The following PFKM variants were observed in gnomAD, a reference collection of about 807,000 sequenced individuals.
PFKM encodes ATP-dependent 6-phosphofructokinase, muscle type.
In PFKM, 58 loss-of-function variants were observed where a neutral mutation model predicts 95.5. The observed-to-expected ratio is 0.61, with a 90% CI of 0.49 to 0.76. The LOEUF is 0.76. Among genes scored for constraint, PFKM ranks in the 30% least tolerant of loss-of-function variants. PFKM has a pLI of 0.00. For synonymous variants in PFKM, 336 were observed against 357.2 expected, an observed-to-expected ratio of 0.94 and a Z score of 0.67; for missense variants, 678 against 1,005.4, an observed-to-expected ratio of 0.67 and a Z score of 4.40.
At chr12:48,106,234 GGAGC>G in intron 1 of PFKM, 1 of 643,882 alleles carries the variant, frequency 1.6e-6, no homozygotes, top group Non-Finnish European at 2.8e-6. Flanking sequence ...AGAAGCGAAG[GGAGC>G]ATTTAAGACT....
At chr12:48,119,302 CTTT>C (rs1385877713), upstream of PFKM, 2 of 984,276 alleles carry the variant, frequency 2.0e-6, no homozygotes, top group African/African-American at 3.5e-5. Context: ...CCCCCTCCCT[CTTT>C]GCCTCCACCT....
rs762577518 is a variant in PFKM, at chr12:48,106,166, G to A, written c.-10+29G>A. The A allele has an allele frequency of 4.3e-5, 30 of 701,170 alleles. 1 individual carries two copies. The South Asian group carries it at 4.3e-4, about 10-fold the overall frequency. The allele number at this position is 701,170 out of a possible 1,614,324, so 43.4% of individuals were successfully genotyped here. On this transcript the variant is annotated intron_variant, in intron 1 of 24. Transcript: ENST00000340802. ...GCTGAAGAGGAGGGGGCTGGGGCAGGAGGTCAAAGAACAGAGTTAAGGACC... is the reference window on the plus strand; with the variant it reads ...GCTGAAGAGGAGGGGGCTGGGGCAGAAGGTCAAAGAACAGAGTTAAGGACC...
At chr12:48,128,984 C>G (rs1949134370) in intron 2 of PFKM, among the ~76,000 whole-genome samples, 1 of 152,124 alleles carries the variant, frequency 6.6e-6, no homozygotes, top group Non-Finnish European at 1.5e-5. Flanking sequence ...TAAGGCCATG[C>G]TTAGCAGAGG....
chr12:48,131,265 G>A, intron 3 of PFKM, 51 bp from the exon 4 acceptor site: 1 of 1,282,098 alleles, frequency 7.8e-7, no homozygotes, highest in Non-Finnish European at 1.1e-6. Context: ...CTTAATCTTG[G>A]GAATTTATAG....
At position 48,140,829 on chromosome 12, in the gene PFKM, G is replaced by C; in HGVS notation, c.1299G>C (p.Val433=). 6.2e-7 allele frequency: 1 copy of C among 1,614,218 alleles called. No individual in the cohort carries two copies. Among genetic ancestry groups the C allele is most frequent in the Non-Finnish European group, 8.5e-7 (1 of 1,180,028 alleles). The change falls in exon 14 of 23, where the codon GTG becomes GTC. Residue 433 remains valine, a synonymous_variant. Coordinates refer to ENST00000359794, the MANE Select transcript of PFKM (RefSeq NM_000289.6). ...TTGGCCTTATCCAGGGCAACCGAGT[G>C]CTCGTTGTCCATGATGGTTTCGAGG... ...VRIGLIQGNR[V]LVVHDGFEGL...
chr12:48,110,857 C>A (rs551506869), intron 3 of PFKM, among the ~76,000 whole-genome samples: 1 of 152,258 alleles, frequency 6.6e-6, no homozygotes, highest in East Asian at 1.9e-4. Context: ...CATAGAGGAT[C>A]AGCTCCTGGC....
At chr12:48,107,502 C>CTG in intron 2 of PFKM, 1 of 1,259,632 alleles carries the variant, frequency 7.9e-7, no homozygotes, top group Non-Finnish European at 1.1e-6. Context: ...AATGGGTTCT[C>CTG]TCACAAGAAG....
chr12:48,137,674 A>G (rs1204345278), intron 10 of PFKM, 47 bp from the exon 11 acceptor site: 2 of 1,613,382 alleles, frequency 1.2e-6, no homozygotes, highest in Non-Finnish European at 1.7e-6. Flanking sequence ...CTGAGCCAAG[A>G]TGGGGCAGCC....
At chr12:48,106,134 C>CTAG in exon 1 of PFKM, 1 of 702,554 alleles carries the variant, frequency 1.4e-6, no homozygotes, top group East Asian at 2.7e-5. Flanking sequence ...GGAAGAGTCG[C>CTAG]TAGGTGGCTG....
intron 4 of PFKM, 114 bp from the exon 5 acceptor site, chr12:48,132,754 A>G: frequency 1.1e-6 from 1 of 902,818 alleles, no homozygotes. Context: ...AAGGATGTCA[A>G]GGAACTTTCT....
intron 5 of PFKM, 32 bp from the exon 6 acceptor site, chr12:48,133,283 C>G: frequency 6.3e-7 from 1 of 1,597,372 alleles, no homozygotes; most frequent in Non-Finnish European, 8.6e-7. Context: ...GGTGCCTCAC[C>G]CAGTGGCTCC....
Position 48,145,531 on chromosome 12 carries a change from G to C in PFKM, c.2199-33G>C, listed in dbSNP as rs746117024. The C allele has an allele frequency of 6.2e-7, 1 of 1,613,466 alleles. No individual in the cohort carries two copies. The highest frequency in any genetic ancestry group is 8.5e-7 in the Non-Finnish European group (1 of 1,179,540). ...GTAGAAGTTGATTGGGGTGCTAAAA[G>C]ATTATATCATCATCTACCTCATTCC... is the stretch of plus-strand genomic sequence containing the variant. On this transcript the variant is annotated intron_variant, in intron 22 of 22. Coordinates refer to ENST00000359794, the MANE Select transcript of PFKM (RefSeq NM_000289.6). The surrounding 1 kb of genome is among the most constrained non-coding windows in gnomAD (Gnocchi z 4.3).
intron 2 of PFKM, among the ~76,000 whole-genome samples, chr12:48,127,168 C>T (rs1016838049): frequency 2.0e-5 from 3 of 152,180 alleles, no homozygotes; most frequent in Non-Finnish European, 4.4e-5. Flanking sequence ...CCACTTTTGG[C>T]TTCTAAGACA....
exon 1 of PFKM, chr12:48,106,053 A>G: frequency 1.4e-6 from 1 of 702,292 alleles, no homozygotes; most frequent in Admixed American, 2.0e-5. Context: ...TGCCATGCGA[A>G]GGGGTTTCCG....
Position 48,122,871 on chromosome 12 carries a change from G to C in PFKM, c.85+12G>C. 1 of 1,613,194 alleles carries C rather than the reference G, an allele frequency of 6.2e-7. No individual in the cohort carries two copies. The highest frequency in any genetic ancestry group is 1.1e-5 in the South Asian group (1 of 91,050). On this transcript the variant is annotated intron_variant, in intron 2 of 22. Coordinates refer to ENST00000359794, the MANE Select transcript of PFKM (RefSeq NM_000289.6). ...TGGAGATGCCCAAGGTAAGGAGGAG[G>C]GGACAAAAAACATGGCTGGTGGGAC...
Position 48,142,848 on chromosome 12 carries a change from G to GGTGGCTACTGTGGCTAC in PFKM, c.1721_1737dup (p.Leu580ValfsTer43). 1 of 1,614,110 alleles carries GGTGGCTACTGTGGCTAC rather than the reference G, an allele frequency of 6.2e-7. No individual in the cohort carries two copies. Among genetic ancestry groups the GGTGGCTACTGTGGCTAC allele is most frequent in the Non-Finnish European group, 8.5e-7 (1 of 1,179,980 alleles). On this transcript the variant is annotated frameshift_variant, in exon 18 of 23. Coordinates refer to ENST00000359794, the MANE Select transcript of PFKM (RefSeq NM_000289.6). LOFTEE classifies it high-confidence loss of function. The stretch of plus-strand genomic sequence containing the variant: ...TCGGGTGTTTATCATTGAGACTATG[G>GGTGGCTACTGTGGCTAC]GTGGCTACTGTGGCTACCTGGCTAC...
exon 1 of PFKM, chr12:48,105,983 C>T (rs955578449): frequency 2.9e-6 from 2 of 700,096 alleles, no homozygotes; most frequent in East Asian, 2.7e-5. Context: ...CTGGACCAGG[C>T]TCCCTCCATC....
chr12:48,142,865 C>T lies in PFKM; in HGVS notation c.1737C>T (p.Tyr579=). 1 of 1,614,140 alleles carries T rather than the reference C, an allele frequency of 6.2e-7. No homozygotes were observed. The highest frequency in any genetic ancestry group is 1.1e-5 in the South Asian group (1 of 91,080). ...AGACTATGGGTGGCTACTGTGGCTA[C>T]CTGGCTACCATGGCTGGACTGGCAG... ...IIETMGGYCG[Y]LATMAGLAAG... is the part of the protein sequence containing the mutation. The change falls in exon 18 of 23, where the codon TAC becomes TAT. Residue 579 remains tyrosine (Y), a synonymous_variant. Transcript: ENST00000359794.
chr12:48,107,331 G>T, intron 1 of PFKM: 2 of 1,366,668 alleles, frequency 1.5e-6, no homozygotes, highest in Non-Finnish European at 2.1e-6. Context: ...TCACAGCTCT[G>T]TTCGTTTGGA....
Sources: allele counts gnomAD v4.1 joint callset (sites outside exome capture counted in the v4.1 genomes callset), GRCh38; gene constraint gnomAD v4.1.1; non-coding constraint Gnocchi (gnomAD v3.1); transcripts MANE v1.5; gene names NCBI Gene and HGNC (gene_info 2026-07-23, HGNC 2026-07-21).